Variants in SPON1 observed in about 807,000 individuals in gnomAD.
The protein encoded by SPON1 is spondin-1.
SPON1 carries 52 observed loss-of-function variants against 111.7 expected under a neutral mutation model. The observed-to-expected ratio is 0.47, with a 90% CI of 0.37 to 0.59. SPON1 has a LOEUF of 0.59. SPON1 is among the 20% of genes least tolerant of loss of function. SPON1 has a pLI of 0.00. For missense variants in SPON1, 957 were observed against 1,068.5 expected (o/e 0.90, Z 1.46); for synonymous variants, 410 against 395.8 (o/e 1.04, Z -0.43).
At chr11:14,112,022 C>A (rs1158673408) in intron 5 of SPON1, among the ~76,000 whole-genome samples, 1 of 151,388 alleles carries the variant, frequency 6.6e-6, no homozygotes, top group Non-Finnish European at 1.5e-5. Flanking sequence ...ACACCGAGAA[C>A]CTGAAAGGCT....
rs536389157 is a variant in SPON1, at chr11:14,093,961, C to T, written c.676+13940C>T. 1.4e-4 allele frequency among the ~76,000 whole-genome samples: 21 copies of T among 152,262 alleles called. No homozygotes were observed. The East Asian group carries it at 3.3e-3, about 24-fold the overall frequency. On this transcript the variant is annotated intron_variant, in intron 5 of 15. Transcript: ENST00000576479. The stretch of plus-strand genomic sequence containing the variant: ...GGCATGGTGGTCACGCCTATGATCC[C>T]AGCACTTTGGGAGGCCAAGGCAGAT...
rs782487535 is a variant in SPON1, at chr11:14,259,580, C to T, written c.1710C>T (p.Cys570=). 41 of 1,554,382 alleles carry T rather than the reference C, an allele frequency of 2.6e-5. No individual in the cohort carries two copies. Among genetic ancestry groups the T allele is most frequent in the Non-Finnish European group, 3.5e-5 (40 of 1,148,964 alleles). ...LMTEWGEWDE[C]SATCGMGMKK... is the part of the protein sequence containing the mutation. ...CCGAGTGGGGCGAGTGGGACGAGTG[C>T]AGCGCCACCTGCGGCATGGGCATGA... is the stretch of plus-strand genomic sequence containing the variant. Residue 570 remains cysteine, a synonymous_variant, in exon 13 of 16, where the codon TGC becomes TGT. Coordinates refer to ENST00000576479, the MANE Select transcript of SPON1 (RefSeq NM_006108.4). The surrounding 1 kb of genome is among the most constrained non-coding windows in gnomAD (Gnocchi z 5.0).
intron 2 of SPON1, among the ~76,000 whole-genome samples, chr11:14,000,092 T>C (rs2618516): frequency 0.65 from 98,998 of 152,062 alleles, 32,472 homozygotes; most frequent in African/African-American, 0.72. Flanking sequence ...TTCCAAGGTT[T>C]TTCTATGTTA....
At chr11:14,235,739 G>A (rs1222340100) in intron 6 of SPON1, among the ~76,000 whole-genome samples, 2 of 150,212 alleles carry the variant, frequency 1.3e-5, no homozygotes, top group African/African-American at 4.9e-5. Flanking sequence ...CTGGACAATG[G>A]CAAATGTTAT....
At chr11:13,983,816 G>T (rs1202555760) in intron 2 of SPON1, among the ~76,000 whole-genome samples, 3 of 152,130 alleles carry the variant, frequency 2.0e-5, no homozygotes, top group African/African-American at 7.2e-5. Flanking sequence ...AAATTAAGAA[G>T]AAAAAAACTC....
intron 5 of SPON1, among the ~76,000 whole-genome samples, chr11:14,108,763 T>C (rs1554925137): frequency 6.6e-6 from 1 of 152,198 alleles, no homozygotes; most frequent in Admixed American, 6.5e-5. Flanking sequence ...CCTTTTTTTT[T>C]TTTGTAAATA....
intron 6 of SPON1, among the ~76,000 whole-genome samples, chr11:14,230,007 G>A (rs4757243): frequency 0.18 from 27,551 of 149,154 alleles, 2,589 homozygotes; most frequent in Middle Eastern, 0.24. Flanking sequence ...TTCCTAGAAC[G>A]GACACCCTTT....
At chr11:14,245,970 C>T (rs937465670) in intron 7 of SPON1, among the ~76,000 whole-genome samples, 14 of 152,214 alleles carry the variant, frequency 9.2e-5, no homozygotes, top group Admixed American at 6.5e-5. Flanking sequence ...ACATCAGTTA[C>T]CAGTCAGGTC....
intron 5 of SPON1, among the ~76,000 whole-genome samples, chr11:14,087,958 C>A (rs1406617773): frequency 6.6e-6 from 1 of 151,752 alleles, no homozygotes; most frequent in Non-Finnish European, 1.5e-5. Context: ...ACTAGGACTG[C>A]TTTTTTTGGC....
chr11:14,173,962 C>T (rs1366882130), intron 6 of SPON1, among the ~76,000 whole-genome samples: 1 of 152,212 alleles, frequency 6.6e-6, no homozygotes, highest in Admixed American at 6.5e-5. Context: ...AGGCAGTCTG[C>T]CCAGTGCTTG....
chr11:13,980,110 G>A (rs1046587010), intron 1 of SPON1, among the ~76,000 whole-genome samples: 13 of 151,542 alleles, frequency 8.6e-5, no homozygotes, highest in African/African-American at 2.9e-4. Context: ...GTGCAATCTC[G>A]GCTCACTGCA....
At chr11:14,118,096 G>T (rs566339448) in intron 5 of SPON1, among the ~76,000 whole-genome samples, 47 of 152,304 alleles carry the variant, frequency 3.1e-4, no homozygotes, top group African/African-American at 9.9e-4. Context: ...ACTAATGGGG[G>T]TGGGAGATGT....
intron 6 of SPON1, among the ~76,000 whole-genome samples, chr11:14,219,852 T>A (rs1165432969): frequency 5.3e-5 from 8 of 152,178 alleles, no homozygotes; most frequent in African/African-American, 1.9e-4. Context: ...CCAGGCAATA[T>A]TCCATTAAGA....
intron 5 of SPON1, among the ~76,000 whole-genome samples, chr11:14,126,991 T>C (rs909728606): frequency 6.6e-6 from 1 of 152,200 alleles, no homozygotes; most frequent in Non-Finnish European, 1.5e-5. Flanking sequence ...GTGACATTCC[T>C]GTCATCTCCA....
chr11:14,098,256 A>G (rs575439155), intron 5 of SPON1, among the ~76,000 whole-genome samples: 64 of 152,354 alleles, frequency 4.2e-4, no homozygotes, highest in African/African-American at 1.4e-3. Context: ...TCGGCCTCCC[A>G]AAGTGCTGGG....
At chr11:14,002,585 C>T (rs1429413228) in intron 2 of SPON1, among the ~76,000 whole-genome samples, 2 of 152,146 alleles carry the variant, frequency 1.3e-5, no homozygotes, top group East Asian at 3.9e-4. Context: ...ATGGAAGGAT[C>T]GTGTAGCAGC....
intron 5 of SPON1, among the ~76,000 whole-genome samples, chr11:14,129,792 C>T (rs1255768045): frequency 3.9e-5 from 6 of 152,112 alleles, no homozygotes; most frequent in African/African-American, 1.4e-4. Flanking sequence ...ACTAACAGTT[C>T]GACATGGCTG....
At chr11:14,233,131 C>G (rs560403213) in intron 6 of SPON1, among the ~76,000 whole-genome samples, 9 of 152,298 alleles carry the variant, frequency 5.9e-5, no homozygotes, top group Admixed American at 3.3e-4. Context: ...CGTCTCCAGC[C>G]TGGACTTCTC....
intron 6 of SPON1, among the ~76,000 whole-genome samples, chr11:14,186,756 T>C (rs1452395529): frequency 1.3e-5 from 2 of 152,200 alleles, no homozygotes; most frequent in Non-Finnish European, 2.9e-5. Context: ...CCTCAGAGGT[T>C]TCTTCCTCAA....
Sources: allele counts gnomAD v4.1 joint callset (sites outside exome capture counted in the v4.1 genomes callset), GRCh38; gene constraint gnomAD v4.1.1; non-coding constraint Gnocchi (gnomAD v3.1); transcripts MANE v1.5; gene names NCBI Gene and HGNC (gene_info 2026-07-23, HGNC 2026-07-21).